The following FAM3B variants were observed in gnomAD, a reference collection of about 807,000 sequenced individuals.
FAM3B encodes the protein protein FAM3B.
FAM3B carries 29 observed loss-of-function variants against 28.4 expected under a neutral mutation model. That is an observed-to-expected ratio of 1.02 (90% CI 0.76 to 1.39). FAM3B has a LOEUF of 1.39. FAM3B is among the 40% of genes most tolerant of loss of function. The pLI is 0.00. For synonymous variants in FAM3B, 91 were observed against 103.0 expected, an observed-to-expected ratio of 0.88 and a Z score of 0.71; for missense variants, 266 against 293.9, an observed-to-expected ratio of 0.91 and a Z score of 0.69.
intron 1 of FAM3B, among the ~76,000 whole-genome samples, chr21:41,321,477 T>C (rs2088805345): frequency 6.6e-6 from 1 of 152,240 alleles, no homozygotes; most frequent in Non-Finnish European, 1.5e-5. Context: ...GTTTTCTGTG[T>C]CTGGTTTATC....
upstream of FAM3B, among the ~76,000 whole-genome samples, chr21:41,314,269 G>T (rs1568909403): frequency 6.6e-6 from 1 of 152,222 alleles, no homozygotes; most frequent in Non-Finnish European, 1.5e-5. Flanking sequence ...AACTGAATCA[G>T]CCAGTACCTT....
chr21:41,319,270 T>C (rs764688003), intron 1 of FAM3B, among the ~76,000 whole-genome samples: 66 of 152,264 alleles, frequency 4.3e-4, no homozygotes, highest in South Asian at 1.0e-3. Context: ...GGCTGGGACA[T>C]GTGTACATGT....
intron 1 of FAM3B, among the ~76,000 whole-genome samples, chr21:41,317,110 C>T (rs1479623937): frequency 1.3e-5 from 2 of 152,230 alleles, no homozygotes; most frequent in African/African-American, 2.4e-5. Context: ...CAGGGTTCCC[C>T]GACCCTGTTT....
At chr21:41,345,200 G>T (rs1049313569) in intron 4 of FAM3B, among the ~76,000 whole-genome samples, 4 of 147,452 alleles carry the variant, frequency 2.7e-5, no homozygotes, top group Non-Finnish European at 6.0e-5. Flanking sequence ...GGTGGGCCTG[G>T]CTGAGGGGGC....
In FAM3B at chr21:41,348,601, C is replaced by A. The variant is rs370045496; in HGVS notation, c.495C>A (p.Asn165Lys). The A allele has an allele frequency of 5.0e-6, 8 of 1,614,168 alleles. No homozygotes were observed. The highest frequency in any genetic ancestry group is 6.8e-6 in the Non-Finnish European group (8 of 1,180,036). ...TYDDGSTRLNNDAKNAIEALG... is the reference protein window; with the variant it reads ...TYDDGSTRLNKDAKNAIEALG... ...TCCCTTTGTCCTGCAGACTGAATAA[C>A]GATGCCAAGAATGCCATAGAAGCAC... Residue 165 changes from asparagine (N) to lysine (K), a missense_variant, in exon 7 of 8, where the codon AAC becomes AAA. Asn to Lys is a moderately conservative substitution (Grantham distance 94). Coordinates refer to ENST00000357985, the MANE Select transcript of FAM3B (RefSeq NM_058186.4).
upstream of FAM3B, among the ~76,000 whole-genome samples, chr21:41,313,222 A>C (rs2088725794): frequency 6.6e-6 from 1 of 152,232 alleles, no homozygotes; most frequent in Non-Finnish European, 1.5e-5. Flanking sequence ...TGTTTTATTG[A>C]AGTGTAATTT....
intron 2 of FAM3B, among the ~76,000 whole-genome samples, chr21:41,334,290 C>G (rs1281774481): frequency 6.6e-6 from 1 of 152,182 alleles, no homozygotes; most frequent in Admixed American, 6.5e-5. Context: ...TTAGCCAAGA[C>G]AATGGGAAAA....
chr21:41,322,919 G>A lies in FAM3B; in HGVS notation c.20-4G>A. 1 of 1,614,064 alleles carries A rather than the reference G, an allele frequency of 6.2e-7. No homozygotes were observed. Among genetic ancestry groups the A allele is most frequent in the Non-Finnish European group, 8.5e-7 (1 of 1,180,052 alleles). Reference sequence around the variant, plus strand: ...ACAGCAGCTGCTTGGTGTCCTCTCTGCAGGCCTGCTCAAGGTGGTGTTCGT... The same window carrying A: ...ACAGCAGCTGCTTGGTGTCCTCTCTACAGGCCTGCTCAAGGTGGTGTTCGT... On this transcript the variant is annotated splice_region_variant and splice_polypyrimidine_tract_variant and intron_variant, in intron 1 of 7. Transcript: ENST00000357985.
chr21:41,313,700 A>G (rs962550398), upstream of FAM3B, among the ~76,000 whole-genome samples: 1 of 146,772 alleles, frequency 6.8e-6, no homozygotes, highest in South Asian at 2.3e-4. Context: ...TACAGTATGT[A>G]TGCATGTCGC....
intron 1 of FAM3B, chr21:41,319,794 G>T (rs1255036465): frequency 6.6e-6 from 1 of 152,352 alleles, no homozygotes; most frequent in Non-Finnish European, 1.5e-5. Context: ...TGCTATGTTG[G>T]GGCTGAATTG....
rs537854610 is a variant in FAM3B at position 41,305,255 on chromosome 21, C to T, written n.99+945C>T. On this transcript the variant is annotated intron_variant and non_coding_transcript_variant, in intron 1 of 9. Transcript: ENST00000479810. ...AAGTGGGGTTGGTGCGGGTTCCATG[C>T]AGAGGTATAGGCGATATGCCCTTGG... Among the ~76,000 whole-genome samples, 15 of 152,176 alleles carry T rather than the reference C, an allele frequency of 9.9e-5. No homozygotes were observed. In the South Asian group the frequency reaches 2.5e-3, roughly 25 times the overall value.
rs141564012 is a variant in FAM3B, at chr21:41,326,090, G to A, written c.163+3024G>A. ...CAGGAGACTAAATAGAAGGTCCGCC[G>A]TTCTCCCTGGCTAGGACACTGGCTT... On this transcript the variant is annotated intron_variant, in intron 2 of 7. Coordinates refer to ENST00000357985, the MANE Select transcript of FAM3B (RefSeq NM_058186.4). The surrounding 1 kb of genome is among the most constrained non-coding windows in gnomAD (Gnocchi z 4.0). 9.7e-4 allele frequency among the ~76,000 whole-genome samples: 148 copies of A among 152,318 alleles called. 1 individual carries two copies. Among genetic ancestry groups the A allele is most frequent in the African/African-American group, 3.4e-3 (141 of 41,562 alleles).
chr21:41,347,189 G>A, intron 6 of FAM3B, 89 bp downstream of exon 6: 1 of 1,081,478 alleles, frequency 9.2e-7, no homozygotes, highest in Non-Finnish European at 1.4e-6. Flanking sequence ...ATCCTCTGGG[G>A]ACAAGCAGAA....
intron 1 of FAM3B, among the ~76,000 whole-genome samples, chr21:41,310,028 A>G (rs961744864): frequency 2.0e-5 from 3 of 152,144 alleles, no homozygotes; most frequent in African/African-American, 7.2e-5. Context: ...TGGGTTTCTC[A>G]TCCTCCCAGC....
intron 1 of FAM3B, chr21:41,321,122 A>G (rs2088799949): frequency 6.6e-6 from 1 of 152,234 alleles, no homozygotes; most frequent in Non-Finnish European, 1.5e-5. Flanking sequence ...CTTGGATGAA[A>G]CAGTCCAGCT....
chr21:41,334,309 A>G (rs1057045077), intron 2 of FAM3B, among the ~76,000 whole-genome samples: 1 of 152,194 alleles, frequency 6.6e-6, no homozygotes, highest in African/African-American at 2.4e-5. Context: ...AAAGTCTCCA[A>G]AGGCATTTCA....
chr21:41,340,152 CTTT>C (rs954999865), intron 3 of FAM3B, among the ~76,000 whole-genome samples: 3 of 127,154 alleles, frequency 2.4e-5, no homozygotes, highest in Non-Finnish European at 3.4e-5. Flanking sequence ...CTGAAGTTGT[CTTT>C]TTTTTTTTTT....
upstream of FAM3B, among the ~76,000 whole-genome samples, chr21:41,313,129 A>G (rs893532671): frequency 9.2e-5 from 14 of 152,356 alleles, no homozygotes; most frequent in African/African-American, 3.4e-4. Context: ...GACCAGACAG[A>G]GCTATGAATG....
chr21:41,339,501 T>A (rs1473685389), intron 3 of FAM3B, among the ~76,000 whole-genome samples: 8 of 152,210 alleles, frequency 5.3e-5, no homozygotes, highest in Non-Finnish European at 1.5e-5. Flanking sequence ...AACCAAGCAA[T>A]GCATTTGTTT....
Sources: allele counts gnomAD v4.1 joint callset (sites outside exome capture counted in the v4.1 genomes callset), GRCh38; gene constraint gnomAD v4.1.1; non-coding constraint Gnocchi (gnomAD v3.1); transcripts MANE v1.5; gene names NCBI Gene and HGNC (gene_info 2026-07-23, HGNC 2026-07-21).